Variants in ADGRL3 observed in about 807,000 individuals in gnomAD.
The protein encoded by ADGRL3 is calcium-independent alpha-latrotoxin receptor 3.
Under a neutral mutation model 153.5 loss-of-function variants are expected in ADGRL3, and 62 were observed. The ratio of observed to expected loss-of-function variants is 0.40; its 90% CI spans 0.33 to 0.50. The LOEUF is 0.50. Among genes scored for constraint, ADGRL3 ranks in the 20% least tolerant of loss-of-function variants. ADGRL3 has a pLI of 0.47. For synonymous variants in ADGRL3, 710 were observed against 672.5 expected, an observed-to-expected ratio of 1.06 and a Z score of -0.86; for missense variants, 1,641 against 1,859.4, an observed-to-expected ratio of 0.88 and a Z score of 2.16.
intron 1 of ADGRL3, among the ~76,000 whole-genome samples, chr4:61,314,881 A>G (rs558582396): frequency 6.6e-6 from 1 of 152,284 alleles, no homozygotes; most frequent in East Asian, 1.9e-4. Flanking sequence ...TTAAGAAATT[A>G]TGTTTATTAG....
chr4:61,714,698 G>A (rs922096835), intron 6 of ADGRL3, among the ~76,000 whole-genome samples: 3 of 152,100 alleles, frequency 2.0e-5, no homozygotes, highest in South Asian at 2.1e-4. Flanking sequence ...TCAGTTGTAC[G>A]GTTCTGGGTG....
chr4:61,363,853 C>A (rs79115236), intron 1 of ADGRL3, among the ~76,000 whole-genome samples: 2,265 of 152,098 alleles, frequency 0.015, 57 homozygotes, highest in African/African-American at 0.051. Flanking sequence ...TAAGTAAGTT[C>A]ATGCAGCTAA....
rs1361563658 is a variant in ADGRL3, at chr4:61,368,212, C to A, written c.-239-14912C>A. On this transcript the variant is annotated intron_variant, in intron 1 of 26. Transcript: ENST00000683033. ...TGCCTGTTCACTCTGATGGTAGTTTCTTTTGCTGTGCAGAAGCTCTTTAGT... is the reference window on the plus strand; with the variant it reads ...TGCCTGTTCACTCTGATGGTAGTTTATTTTGCTGTGCAGAAGCTCTTTAGT... Among the ~76,000 whole-genome samples the A allele has an allele frequency of 5.3e-5, 8 of 152,048 alleles. No homozygotes were observed. In the East Asian group the frequency reaches 1.2e-3, roughly 22 times the overall value.
intron 19 of ADGRL3, among the ~76,000 whole-genome samples, chr4:61,986,537 C>T (rs1321462981): frequency 6.6e-6 from 1 of 152,156 alleles, no homozygotes; most frequent in Non-Finnish European, 1.5e-5. Flanking sequence ...CTCTCATTTA[C>T]TGACATTATT....
chr4:62,055,571 A>G (rs1164899853), intron 25 of ADGRL3, among the ~76,000 whole-genome samples: 1 of 151,868 alleles, frequency 6.6e-6, no homozygotes, highest in Non-Finnish European at 1.5e-5. Context: ...TGACTCTGTA[A>G]TGTCATTGTT....
intron 1 of ADGRL3, among the ~76,000 whole-genome samples, chr4:61,209,693 C>A (rs72632600): frequency 0.018 from 2,745 of 152,222 alleles, 34 homozygotes; most frequent in Middle Eastern, 0.055. Context: ...AATTCCCCAT[C>A]AAAAATTATA....
At chr4:61,676,968 G>C (rs373072697) in intron 6 of ADGRL3, 33 bp downstream of exon 6, 3 of 1,336,016 alleles carry the variant, frequency 2.2e-6, no homozygotes, top group Non-Finnish European at 3.2e-6. Context: ...CTTGGCAAGA[G>C]AAAAGATACT....
intron 4 of ADGRL3, among the ~76,000 whole-genome samples, chr4:61,582,222 G>T (rs926720182): frequency 2.4e-4 from 37 of 151,666 alleles, no homozygotes; most frequent in African/African-American, 8.5e-4. Flanking sequence ...ACATGTGCAG[G>T]ACATGCAGGT....
At chr4:61,866,330 A>G (rs2098399934) in intron 9 of ADGRL3, among the ~76,000 whole-genome samples, 1 of 152,194 alleles carries the variant, frequency 6.6e-6, no homozygotes, top group Non-Finnish European at 1.5e-5. Flanking sequence ...GAGGGACAAG[A>G]GAGGAGAGAA....
intron 2 of ADGRL3, among the ~76,000 whole-genome samples, chr4:61,405,094 G>C (rs1440507928): frequency 6.6e-6 from 1 of 151,878 alleles, no homozygotes; most frequent in Non-Finnish European, 1.5e-5. Flanking sequence ...TACTTCTTTG[G>C]AATGAAATGA....
chr4:61,445,173 A>C (rs1003060461), intron 2 of ADGRL3, among the ~76,000 whole-genome samples: 3 of 152,168 alleles, frequency 2.0e-5, no homozygotes, highest in Admixed American at 6.6e-5. Context: ...AAATCATATG[A>C]GATTGGTTTT....
At chr4:61,729,351 C>G (rs35711461) in intron 6 of ADGRL3, among the ~76,000 whole-genome samples, 1 of 151,582 alleles carries the variant, frequency 6.6e-6, no homozygotes, top group African/African-American at 2.4e-5. Flanking sequence ...TATCACCACT[C>G]AATATCACTT....
intron 9 of ADGRL3, among the ~76,000 whole-genome samples, chr4:61,859,495 C>A (rs940654812): frequency 1.3e-5 from 2 of 152,108 alleles, no homozygotes; most frequent in African/African-American, 4.8e-5. Context: ...GTTAAAAACA[C>A]ATTAGTTAAT....
rs369258261 is a variant in ADGRL3, at chr4:61,804,444, G to A, written c.1400-9365G>A. On this transcript the variant is annotated intron_variant, in intron 8 of 26. Transcript: ENST00000683033. ...CCTTGTCTCTTTTCTTTATAAGAACGTTAATTGGACACACAAGCATTTATA... is the reference window on the plus strand; with the variant it reads ...CCTTGTCTCTTTTCTTTATAAGAACATTAATTGGACACACAAGCATTTATA... Among the ~76,000 whole-genome samples the A allele has an allele frequency of 4.5e-4, 69 of 152,152 alleles. No individual in the cohort carries two copies. The South Asian group carries it at 0.013, about 29-fold the overall frequency.
At chr4:61,349,086 A>C (rs1397793573) in intron 1 of ADGRL3, among the ~76,000 whole-genome samples, 1 of 152,020 alleles carries the variant, frequency 6.6e-6, no homozygotes, top group Non-Finnish European at 1.5e-5. Flanking sequence ...CTTACTCCTA[A>C]TAGTTAAGAA....
intron 1 of ADGRL3, among the ~76,000 whole-genome samples, chr4:61,373,096 G>A (rs1413799203): frequency 6.6e-6 from 1 of 152,138 alleles, no homozygotes; most frequent in East Asian, 1.9e-4. Context: ...CTCGTGCAGG[G>A]TGCGCACACT....
intron 4 of ADGRL3, among the ~76,000 whole-genome samples, chr4:61,520,963 C>A (rs2098527494): frequency 6.6e-6 from 1 of 152,108 alleles, no homozygotes; most frequent in African/African-American, 2.4e-5. Context: ...TACTTGCCTT[C>A]TCGCCTCTTA....
chr4:61,457,646 T>C (rs1391566290), intron 2 of ADGRL3, among the ~76,000 whole-genome samples: 1 of 151,938 alleles, frequency 6.6e-6, no homozygotes, highest in Non-Finnish European at 1.5e-5. Flanking sequence ...TCAAATTCAG[T>C]ATATTATTCT....
At chr4:61,236,006 T>TCC (rs1223501839) in intron 1 of ADGRL3, among the ~76,000 whole-genome samples, 5 of 65,120 alleles carry the variant, frequency 7.7e-5, no homozygotes, top group African/African-American at 3.1e-4. Flanking sequence ...TTCTTTTCTT[T>TCC]TCTTTTTTTT....
Sources: allele counts gnomAD v4.1 joint callset (sites outside exome capture counted in the v4.1 genomes callset), GRCh38; gene constraint gnomAD v4.1.1; transcripts MANE v1.5; gene names NCBI Gene and HGNC (gene_info 2026-07-23, HGNC 2026-07-21).